The following CSMD3 variants were observed in gnomAD, a reference collection of about 807,000 sequenced individuals.
CSMD3 encodes CUB and Sushi multiple domains 3, also known as CUB and sushi domain-containing protein 3.
CSMD3 carries 177 observed loss-of-function variants against 435.2 expected under a neutral mutation model. The observed-to-expected ratio is 0.41, with a 90% confidence interval of 0.36 to 0.46. The LOEUF is 0.46. CSMD3 is among the 20% of genes least tolerant of loss of function. The pLI, the probability that CSMD3 is intolerant of heterozygous loss-of-function variation, is 0.34. For synonymous variants in CSMD3, 1,656 were observed against 1,520.5 expected (o/e 1.09, Z -2.07); for missense variants, 4,265 against 4,504.6 (o/e 0.95, Z 1.52).
intron 31 of CSMD3, among the ~76,000 whole-genome samples, chr8:112,475,872 A>C (rs1818994377): frequency 6.6e-6 from 1 of 152,096 alleles, no homozygotes; most frequent in African/African-American, 2.4e-5. Flanking sequence ...TTTGGGTTCT[A>C]TTCTTATTTT....
At chr8:113,263,430 C>T (rs1040416597) in intron 3 of CSMD3, among the ~76,000 whole-genome samples, 6 of 151,906 alleles carry the variant, frequency 3.9e-5, no homozygotes, top group Non-Finnish European at 8.8e-5. Context: ...ATTCACATTT[C>T]CTGACAAAAG....
At chr8:113,232,882 G>A (rs765362275) in intron 3 of CSMD3, among the ~76,000 whole-genome samples, 2 of 151,742 alleles carry the variant, frequency 1.3e-5, no homozygotes, top group African/African-American at 2.4e-5. Flanking sequence ...TTTCAACTGC[G>A]ACAGATTTAA....
chr8:112,897,759 AAG>A (rs1412453604), intron 10 of CSMD3, among the ~76,000 whole-genome samples: 1 of 148,956 alleles, frequency 6.7e-6, no homozygotes, highest in Non-Finnish European at 1.5e-5. Context: ...GAAGAGATAA[AAG>A]AGTGAAAAAA....
chr8:112,997,973 G>T (rs541915732), intron 6 of CSMD3, among the ~76,000 whole-genome samples: 5 of 150,828 alleles, frequency 3.3e-5, no homozygotes, highest in African/African-American at 1.2e-4. Context: ...TTTCATTCAG[G>T]ATTTCCTTCC....
intron 34 of CSMD3, among the ~76,000 whole-genome samples, chr8:112,407,556 C>T (rs755229472): frequency 1.3e-5 from 2 of 151,766 alleles, no homozygotes; most frequent in Admixed American, 6.6e-5. Flanking sequence ...TTTTTGCAGT[C>T]GTAATACCAC....
At chr8:113,060,209 T>C (rs2088551690) in intron 5 of CSMD3, among the ~76,000 whole-genome samples, 1 of 128,356 alleles carries the variant, frequency 7.8e-6, no homozygotes, top group Non-Finnish European at 1.6e-5. Flanking sequence ...GTGATCTCAT[T>C]GTTCAATTCC....
intron 3 of CSMD3, among the ~76,000 whole-genome samples, chr8:113,276,919 G>A (rs1027797462): frequency 1.3e-5 from 2 of 151,924 alleles, no homozygotes; most frequent in African/African-American, 4.8e-5. Context: ...AAGATGGACA[G>A]AAATTTAGTG....
intron 32 of CSMD3, among the ~76,000 whole-genome samples, chr8:112,415,662 A>G (rs1433439364): frequency 6.6e-6 from 1 of 152,202 alleles, no homozygotes; most frequent in Non-Finnish European, 1.5e-5. Context: ...ATGCCAGTCT[A>G]TGAAAGCAGC....
At chr8:112,355,096 A>G (rs1052834123) in intron 38 of CSMD3, among the ~76,000 whole-genome samples, 2 of 152,204 alleles carry the variant, frequency 1.3e-5, no homozygotes, top group African/African-American at 4.8e-5. Flanking sequence ...GAAACAAGCC[A>G]TGGGGAAAGA....
intron 3 of CSMD3, among the ~76,000 whole-genome samples, chr8:113,187,274 A>T (rs2092520073): frequency 6.6e-6 from 1 of 151,756 alleles, no homozygotes; most frequent in Non-Finnish European, 1.5e-5. Flanking sequence ...AGCTGAACTA[A>T]GGAGCAAATT....
chr8:113,377,010 CT>C (rs2133084465), intron 1 of CSMD3: 1 of 755,708 alleles, frequency 1.3e-6, no homozygotes, highest in Non-Finnish European at 1.8e-6. Flanking sequence ...GCCACATCTT[CT>C]AGGGAGTGGG....
intron 25 of CSMD3, among the ~76,000 whole-genome samples, chr8:112,556,334 C>T (rs967626741): frequency 1.3e-5 from 2 of 151,928 alleles, no homozygotes; most frequent in African/African-American, 4.8e-5. Context: ...GAGTGCTATG[C>T]TGTAACATGC....
intron 45 of CSMD3, among the ~76,000 whole-genome samples, chr8:112,322,678 T>C (rs1278656863): frequency 1.3e-5 from 2 of 152,062 alleles, no homozygotes; most frequent in African/African-American, 4.8e-5. Context: ...AGGCTAAACA[T>C]CTCTTCTGAC....
At chr8:112,589,544 T>C (rs914466180) in intron 22 of CSMD3, among the ~76,000 whole-genome samples, 2 of 152,194 alleles carry the variant, frequency 1.3e-5, no homozygotes, top group Non-Finnish European at 1.5e-5. Context: ...TCCATGCTTA[T>C]GAATGCCCAG....
At chr8:112,475,973 A>G (rs1000659796) in intron 31 of CSMD3, among the ~76,000 whole-genome samples, 4 of 152,186 alleles carry the variant, frequency 2.6e-5, no homozygotes, top group African/African-American at 9.6e-5. Flanking sequence ...GTAATGCATT[A>G]AACATAAGAA....
chr8:112,643,990 C>A (rs2074908246), intron 20 of CSMD3, among the ~76,000 whole-genome samples: 1 of 151,368 alleles, frequency 6.6e-6, no homozygotes, highest in Non-Finnish European at 1.5e-5. Context: ...TTTGTTTTGA[C>A]TTTTTCTTTT....
intron 53 of CSMD3, 59 bp from the exon 54 acceptor site, chr8:112,296,065 A>G (rs989752262): frequency 3.7e-6 from 5 of 1,366,128 alleles, no homozygotes; most frequent in South Asian, 2.4e-5. Context: ...TTGTATATTT[A>G]TATACATGTG....
At chr8:112,725,250 G>T (rs1261525519) in intron 13 of CSMD3, among the ~76,000 whole-genome samples, 1 of 151,918 alleles carries the variant, frequency 6.6e-6, no homozygotes, top group African/African-American at 2.4e-5. Flanking sequence ...AGGGAGGCTG[G>T]CTAAACTAAA....
rs181369751 is a variant in CSMD3 at position 113,203,011 on chromosome 8, A to G, written c.515-29095T>C. 1.4e-4 allele frequency among the ~76,000 whole-genome samples: 21 copies of G among 152,262 alleles called. 1 individual carries two copies. In the East Asian group the frequency reaches 4.1e-3, roughly 30 times the overall value. ...GGTGACTCAGTTTACAGAGAAACCC[A>G]TATTTTTTCAACTGAATTGAAAAAT... On this transcript the variant is annotated intron_variant, in intron 3 of 70. Transcript: ENST00000297405.
Sources: gnomAD v4.1 joint callset for allele counts (sites outside exome capture counted in the v4.1 genomes callset) on GRCh38, gnomAD v4.1.1 for gene constraint, MANE v1.5 for transcripts, NCBI Gene and HGNC (gene_info 2026-07-23, HGNC 2026-07-21) for gene names.